The following KCNQ2 variants were observed in gnomAD, a reference collection of about 807,000 sequenced individuals.
KCNQ2 encodes the protein potassium voltage-gated channel subfamily KQT member 2.
In KCNQ2, 14 loss-of-function variants were observed where a neutral mutation model predicts 84.8. That is an observed-to-expected ratio of 0.17 (90% CI 0.11 to 0.26). The LOEUF is 0.26. KCNQ2 is among the 10% of genes least tolerant of loss of function. The pLI, the probability that KCNQ2 is intolerant of heterozygous loss-of-function variation, is 1.00. For synonymous variants in KCNQ2, 599 were observed against 554.1 expected, an observed-to-expected ratio of 1.08 and a Z score of -1.14; for missense variants, 788 against 1,254.0, an observed-to-expected ratio of 0.63 and a Z score of 5.61.
In KCNQ2 at chr20:63,447,715, C is replaced by T. The variant is rs148797525; in HGVS notation, c.297-878G>A. Among the ~76,000 whole-genome samples, 136 of 152,334 alleles carry T rather than the reference C, an allele frequency of 8.9e-4. 1 individual carries two copies. The highest frequency in any genetic ancestry group is 3.2e-3 in the African/African-American group (134 of 41,562). On this transcript the variant is annotated intron_variant, in intron 1 of 16. Coordinates refer to ENST00000359125, the MANE Select transcript of KCNQ2 (RefSeq NM_172107.4). Reference sequence around the variant, plus strand: ...GTTCAAGCAATTCTCCCGCCTCAGCCTCCAGAGTTGCTGGGATTACAGGCA... The same window carrying T: ...GTTCAAGCAATTCTCCCGCCTCAGCTTCCAGAGTTGCTGGGATTACAGGCA...
At position 63,446,560 on chromosome 20, in the gene KCNQ2, T is replaced by G. The variant is rs2081432525; in HGVS notation, c.387+187A>C. Among the ~76,000 whole-genome samples the G allele has an allele frequency of 1.3e-5, 2 of 151,354 alleles. No individual in the cohort carries two copies. The highest frequency in any genetic ancestry group is 6.6e-5 in the Admixed American group (1 of 15,222). On this transcript the variant is annotated intron_variant, in intron 2 of 16. Coordinates refer to ENST00000359125, the MANE Select transcript of KCNQ2 (RefSeq NM_172107.4). This position sits in a 1 kb window ranked among gnomAD's most constrained non-coding sequence, Gnocchi z 5.5. ...GGTGAGGGCTGAGTTACAGCCAGGG[T>G]GGGGCTGGGGCATAGCCCGGGCTGT...
At chr20:63,411,661 C>T (rs145208780) in intron 15 of KCNQ2, 7 of 499,316 alleles carry the variant, frequency 1.4e-5, no homozygotes, top group Non-Finnish European at 2.5e-5. Context: ...AGAGAAAACC[C>T]GAGTGTCCCC....
Position 63,465,926 on chromosome 20 carries a change from C to T in KCNQ2, c.296+6242G>A, listed in dbSNP as rs764887757. On this transcript the variant is annotated intron_variant, in intron 1 of 16. Transcript: ENST00000359125. ...GGCGCGTGTCGGTGCTGAGGCGTCC[C>T]GGCGGGTCCTCTGCTGCCGTCCCGA... Among the ~76,000 whole-genome samples, 6 of 152,324 alleles carry T rather than the reference C, an allele frequency of 3.9e-5. No homozygotes were observed. In the South Asian group the frequency reaches 8.3e-4, roughly 21 times the overall value.
chr20:63,417,401 G>C (rs1201046078), intron 12 of KCNQ2, among the ~76,000 whole-genome samples: 1 of 152,236 alleles, frequency 6.6e-6, no homozygotes, highest in South Asian at 2.1e-4. Context: ...TCCTCTCTCT[G>C]CGTTTCCACC....
intron 8 of KCNQ2, among the ~76,000 whole-genome samples, chr20:63,432,123 C>T (rs2080819874): frequency 6.7e-6 from 1 of 149,328 alleles, no homozygotes; most frequent in Non-Finnish European, 1.5e-5. Context: ...AGGCCCCACC[C>T]TCAGGGAAGG....
rs531203255 is a variant in KCNQ2 at position 63,454,231 on chromosome 20, G to A, written c.297-7394C>T. Among the ~76,000 whole-genome samples, 50 of 152,234 alleles carry A rather than the reference G, an allele frequency of 3.3e-4. No homozygotes were observed. In the South Asian group the frequency reaches 8.7e-3, roughly 27 times the overall value. On this transcript the variant is annotated intron_variant, in intron 1 of 16. Transcript: ENST00000359125. Reference sequence around the variant, plus strand: ...GCTTCCGCCCATCTGCCCCCGCCTCGCCGGCCCGCAGACCCTGCATGAAGG... The same window carrying A: ...GCTTCCGCCCATCTGCCCCCGCCTCACCGGCCCGCAGACCCTGCATGAAGG...
chr20:63,418,549 A>C (rs892269973), intron 12 of KCNQ2, among the ~76,000 whole-genome samples: 3 of 151,646 alleles, frequency 2.0e-5, no homozygotes, highest in African/African-American at 4.9e-5. Flanking sequence ...CTGGGCTCCC[A>C]CCCCCACTTT....
In KCNQ2 at chr20:63,414,343, CCACCCATCTG is replaced by C. The variant is rs2080219855; in HGVS notation, c.1526-160_1526-151del. ...CGGGTGCACCTGCTTTTCTGGAAAC[CCACCCATCTG>C]CACCCAGCTGCTCTCGAGTCAGGAC... On this transcript the variant is annotated intron_variant, in intron 13 of 16. Transcript: ENST00000359125. The surrounding 1 kb of genome is among the most constrained non-coding windows in gnomAD (Gnocchi z 6.6). 1.6e-6 allele frequency: 1 copy of C among 636,186 alleles called. No individual in the cohort carries two copies. 39.4% of individuals were successfully genotyped at this position (636,186 alleles called of 1,614,324 possible). A position where few individuals can be genotyped will look rare whatever the true frequency, so the allele number is the denominator to read the frequency against.
rs1406055553 is a variant in KCNQ2 at position 63,438,524 on chromosome 20, C to T, written c.1023+101G>A. On this transcript the variant is annotated intron_variant, in intron 7 of 16. Transcript: ENST00000359125. The surrounding 1 kb of genome is among the most constrained non-coding windows in gnomAD (Gnocchi z 5.1). Reference sequence around the variant, plus strand: ...GCAGAGGGTGAGCGCTGTGGCCCATCCACAGACAGGGCAATGCCAAAGCCC... The same window carrying T: ...GCAGAGGGTGAGCGCTGTGGCCCATTCACAGACAGGGCAATGCCAAAGCCC... 1.5e-5 allele frequency: 14 copies of T among 959,234 alleles called. No individual in the cohort carries two copies. In the East Asian group the frequency reaches 2.6e-4, roughly 18 times the overall value. 59.4% of individuals were successfully genotyped at this position (959,234 alleles called of 1,614,324 possible). A position where few individuals can be genotyped will look rare whatever the true frequency, so the allele number is the denominator to read the frequency against.
intron 5 of KCNQ2, among the ~76,000 whole-genome samples, chr20:63,440,602 G>A (rs2081132254): frequency 6.6e-6 from 1 of 152,326 alleles, no homozygotes; most frequent in African/African-American, 2.4e-5. Flanking sequence ...AGGGATCGAG[G>A]CCTGAGCGCA....
At position 63,414,756 on chromosome 20, in the gene KCNQ2, G is replaced by A. The variant is rs143936389; in HGVS notation, c.1525+147C>T. 994 of 774,428 alleles carry A rather than the reference G, an allele frequency of 1.3e-3. 4 individuals carry two copies. The African/African-American group carries it at 0.015, about 12-fold the overall frequency. 48.0% of individuals were successfully genotyped at this position (774,428 alleles called of 1,614,324 possible). ...AAATAGTTAATTTTAGGTTGCACAA[G>A]TCTCACCTCAATTTTAGAAAGGATA... On this transcript the variant is annotated intron_variant, in intron 13 of 16. Coordinates refer to ENST00000359125, the MANE Select transcript of KCNQ2 (RefSeq NM_172107.4). The surrounding 1 kb of genome is among the most constrained non-coding windows in gnomAD (Gnocchi z 6.6).
At chr20:63,426,639 G>A (rs1244412324) in intron 10 of KCNQ2, among the ~76,000 whole-genome samples, 1 of 151,900 alleles carries the variant, frequency 6.6e-6, no homozygotes, top group Non-Finnish European at 1.5e-5. Flanking sequence ...AATCTTCTTG[G>A]CTAAATATCC....
chr20:63,410,929 C>A, intron 15 of KCNQ2: 1 of 441,584 alleles, frequency 2.3e-6, no homozygotes, highest in Non-Finnish European at 4.6e-6. Flanking sequence ...GCCAATCAGA[C>A]TTGCCAGAAG....
In KCNQ2 at chr20:63,425,781, T is replaced by C. The variant is rs1444571663; in HGVS notation, c.1218-1575A>G. Among the ~76,000 whole-genome samples the C allele has an allele frequency of 6.6e-6, 1 of 152,066 alleles. No homozygotes were observed. The highest frequency in any genetic ancestry group is 2.4e-5 in the African/African-American group (1 of 41,394). ...TCCCAAATCCCATCCTCTGAAGTCA[T>C]GACAATCACTTAAATCAGGTATGTG... On this transcript the variant is annotated intron_variant, in intron 10 of 16. Transcript: ENST00000359125. This position sits in a 1 kb window ranked among gnomAD's most constrained non-coding sequence, Gnocchi z 5.5.
At chr20:63,435,416 T>G in intron 7 of KCNQ2, among the ~76,000 whole-genome samples, 1 of 146,246 alleles carries the variant, frequency 6.8e-6, no homozygotes. Context: ...AAGTTGGCCA[T>G]CCTAACGTGG....
rs149214389 is a variant in KCNQ2, at chr20:63,438,406, C to A, written c.1023+219G>T. On this transcript the variant is annotated intron_variant, in intron 7 of 16. Coordinates refer to ENST00000359125, the MANE Select transcript of KCNQ2 (RefSeq NM_172107.4). The surrounding 1 kb of genome is among the most constrained non-coding windows in gnomAD (Gnocchi z 5.1). Reference sequence around the variant, plus strand: ...CCACACAAGGCAAGGGCCACCCCAGCGTCCTCACACGAGCCACCCCTGTGC... The same window carrying A: ...CCACACAAGGCAAGGGCCACCCCAGAGTCCTCACACGAGCCACCCCTGTGC... The A allele has an allele frequency of 3.3e-6, 2 of 614,522 alleles. No individual in the cohort carries two copies. The highest frequency in any genetic ancestry group is 3.6e-5 in the African/African-American group (2 of 54,886). 38.1% of individuals were successfully genotyped at this position (614,522 alleles called of 1,614,324 possible).
At chr20:63,439,467 G>A (rs2081094104) in intron 6 of KCNQ2, 131 bp downstream of exon 6, 5 of 728,818 alleles carry the variant, frequency 6.9e-6, no homozygotes, top group Admixed American at 2.0e-5. Context: ...GCTCCTGGGG[G>A]CTGTGGACCT....
intron 9 of KCNQ2, 60 bp from the exon 10 acceptor site, chr20:63,428,495 C>T: frequency 7.1e-7 from 1 of 1,403,184 alleles, no homozygotes; most frequent in Non-Finnish European, 9.9e-7. Flanking sequence ...TGGGACACCT[C>T]CCTCTGCTTG....
intron 1 of KCNQ2, among the ~76,000 whole-genome samples, chr20:63,465,106 C>T (rs2082048379): frequency 6.6e-6 from 1 of 152,246 alleles, no homozygotes; most frequent in Non-Finnish European, 1.5e-5. Context: ...GGGCTGAGGC[C>T]GTCCCAGCAG....
Sources: gnomAD v4.1 joint callset for allele counts (sites outside exome capture counted in the v4.1 genomes callset) on GRCh38, gnomAD v4.1.1 for gene constraint, Gnocchi (gnomAD v3.1) non-coding constraint, MANE v1.5 for transcripts, NCBI Gene and HGNC (gene_info 2026-07-23, HGNC 2026-07-21) for gene names.